Variants in SPIDR observed in about 807,000 individuals in gnomAD.
SPIDR encodes DNA repair-scaffolding protein.
In SPIDR, 93 loss-of-function variants were observed where a neutral mutation model predicts 104.6. The observed-to-expected ratio is 0.89, with a 90% CI of 0.75 to 1.06. The LOEUF is 1.06. SPIDR is among the 50% of genes least tolerant of loss of function. SPIDR has a pLI of 0.00. For synonymous variants in SPIDR, 431 were observed against 416.9 expected (o/e 1.03, Z -0.41); for missense variants, 1,154 against 1,111.2 (o/e 1.04, Z -0.55).
intron 8 of SPIDR, among the ~76,000 whole-genome samples, chr8:47,562,679 G>T (rs759393933): frequency 7.2e-5 from 11 of 152,156 alleles, no homozygotes; most frequent in African/African-American, 2.7e-4. Flanking sequence ...TGTGGTTGCC[G>T]CTGTTTCATT....
chr8:47,592,390 A>T, intron 8 of SPIDR: 1 of 1,385,052 alleles, frequency 7.2e-7, no homozygotes, highest in Non-Finnish European at 1.0e-6. Context: ...AATTTTGGTC[A>T]TGAAACATAC....
intron 1 of SPIDR, among the ~76,000 whole-genome samples, chr8:47,261,876 T>C (rs556610905): frequency 1.3e-5 from 2 of 152,338 alleles, no homozygotes; most frequent in African/African-American, 4.8e-5. Context: ...ACAGTCTGAT[T>C]TCTGAAGCAT....
At chr8:47,595,723 T>C (rs907317292) in intron 8 of SPIDR, 88 bp from the exon 9 acceptor site, 2 of 1,281,990 alleles carry the variant, frequency 1.6e-6, no homozygotes, top group Non-Finnish European at 2.2e-6. Flanking sequence ...AGCAGGCGAG[T>C]CATTGCTCTT....
At chr8:47,535,302 C>T (rs2154386112) in intron 8 of SPIDR, among the ~76,000 whole-genome samples, 1 of 152,148 alleles carries the variant, frequency 6.6e-6, no homozygotes, top group East Asian at 1.9e-4. Flanking sequence ...TAAGGAAACA[C>T]TTAAGCACTA....
chr8:47,702,490 C>G (rs936842957), intron 14 of SPIDR, among the ~76,000 whole-genome samples: 4 of 152,120 alleles, frequency 2.6e-5, no homozygotes, highest in Non-Finnish European at 5.9e-5. Flanking sequence ...AACTGAAAGC[C>G]CCCCCATCCC....
chr8:47,340,619 C>T (rs1261470012), intron 5 of SPIDR, among the ~76,000 whole-genome samples: 7 of 152,040 alleles, frequency 4.6e-5, no homozygotes, highest in Non-Finnish European at 1.0e-4. Flanking sequence ...AAAACAACAA[C>T]AACCAAAAAA....
Position 47,713,647 on chromosome 8 carries a change from C to T in SPIDR, c.2341+6C>T. On this transcript the variant is annotated splice_donor_region_variant and intron_variant, in intron 16 of 19. Transcript: ENST00000297423. ...CTCCATCTGCAGTGTTCAAGGTAGG[C>T]AGCCATCTCACAGGAATTGGTGCTT... 2 of 1,613,792 alleles carry T rather than the reference C, an allele frequency of 1.2e-6. No homozygotes were observed. Among genetic ancestry groups the T allele is most frequent in the Non-Finnish European group, 1.7e-6 (2 of 1,179,820 alleles).
intron 5 of SPIDR, among the ~76,000 whole-genome samples, chr8:47,350,344 C>T (rs1050657522): frequency 4.6e-5 from 7 of 152,158 alleles, no homozygotes; most frequent in East Asian, 1.9e-4. Context: ...GATAGAGTCT[C>T]GCTCTGTCAC....
chr8:47,341,305 A>G (rs1247824781), intron 5 of SPIDR, among the ~76,000 whole-genome samples: 2 of 152,208 alleles, frequency 1.3e-5, no homozygotes, highest in African/African-American at 4.8e-5. Flanking sequence ...TTCCCTTTCC[A>G]TATGTAAGAA....
At chr8:47,547,458 C>T (rs2089619242) in intron 8 of SPIDR, 4 of 219,900 alleles carry the variant, frequency 1.8e-5, no homozygotes, top group South Asian at 1.8e-4. Context: ...GATGGAGTCT[C>T]GCTCTGTCGC....
At chr8:47,328,420 T>A (rs10109691) in intron 5 of SPIDR, among the ~76,000 whole-genome samples, 3,926 of 151,358 alleles carry the variant, frequency 0.026, 68 homozygotes, top group African/African-American at 0.058. Context: ...GCTAATTATT[T>A]TTTTTTTTTT....
intron 16 of SPIDR, among the ~76,000 whole-genome samples, chr8:47,713,954 A>G (rs1488059447): frequency 9.2e-5 from 14 of 152,188 alleles, no homozygotes; most frequent in Non-Finnish European, 1.5e-4. Context: ...TGAGCTCTGA[A>G]GCATAGATGA....
intron 10 of SPIDR, among the ~76,000 whole-genome samples, chr8:47,623,756 C>A (rs2065527341): frequency 1.3e-5 from 2 of 151,674 alleles, no homozygotes; most frequent in African/African-American, 4.8e-5. Context: ...GAGTGACTTA[C>A]AGAGACTTAG....
intron 3 of SPIDR, among the ~76,000 whole-genome samples, chr8:47,285,035 G>T (rs984882606): frequency 1.3e-5 from 2 of 152,154 alleles, no homozygotes; most frequent in Admixed American, 6.5e-5. Context: ...CTAAACATTC[G>T]CAGTCTGTTT....
intron 5 of SPIDR, among the ~76,000 whole-genome samples, chr8:47,332,997 T>C (rs1554605660): frequency 6.6e-6 from 1 of 151,288 alleles, no homozygotes; most frequent in Non-Finnish European, 1.5e-5. Flanking sequence ...AGAAGCTCTT[T>C]AGTTTAATTA....
chr8:47,341,586 G>T (rs1286709869), intron 5 of SPIDR, among the ~76,000 whole-genome samples: 2 of 151,848 alleles, frequency 1.3e-5, no homozygotes, highest in Admixed American at 1.3e-4. Context: ...CTTTGTTGCA[G>T]ATAATTCTTA....
intron 5 of SPIDR, among the ~76,000 whole-genome samples, chr8:47,304,821 C>A (rs1051781339): frequency 3.3e-5 from 5 of 152,198 alleles, no homozygotes; most frequent in African/African-American, 4.8e-5. Context: ...ATTAAAAGAA[C>A]CTTTTAATGG....
chr8:47,418,313 T>C (rs1261775051), intron 7 of SPIDR, among the ~76,000 whole-genome samples: 6 of 152,204 alleles, frequency 3.9e-5, no homozygotes, highest in Non-Finnish European at 8.8e-5. Flanking sequence ...CAGTGGTTTG[T>C]AGTTCTCCTT....
In SPIDR at chr8:47,639,825, G is replaced by C. The variant is rs549144146; in HGVS notation, c.1545-33976G>C. Among the ~76,000 whole-genome samples, 136 of 152,110 alleles carry C rather than the reference G, an allele frequency of 8.9e-4. 1 individual carries two copies. In the South Asian group the frequency reaches 0.019, roughly 22 times the overall value. On this transcript the variant is annotated intron_variant, in intron 10 of 19. Coordinates refer to ENST00000297423, the MANE Select transcript of SPIDR (RefSeq NM_001080394.4). ...TAGCCGGGCTTGATGTTGCACATCT[G>C]TAGTCCCAGCTACACGGGAGGCCGA...
Sources: gnomAD v4.1 joint callset for allele counts (sites outside exome capture counted in the v4.1 genomes callset) on GRCh38, gnomAD v4.1.1 for gene constraint, MANE v1.5 for transcripts, NCBI Gene and HGNC (gene_info 2026-07-23, HGNC 2026-07-21) for gene names.